The following PALM2AKAP2 variants were observed in gnomAD, a reference collection of about 807,000 sequenced individuals.
The protein encoded by PALM2AKAP2 is PALM2 and AKAP2 fusion, also known as PALM2-AKAP2 fusion protein.
Under a neutral mutation model 71.5 loss-of-function variants are expected in PALM2AKAP2, and 37 were observed. The observed-to-expected ratio is 0.52, with a 90% CI of 0.40 to 0.68. The LOEUF is 0.68. PALM2AKAP2 is among the 30% of genes least tolerant of loss of function. PALM2AKAP2 has a pLI of 0.00. For synonymous variants in PALM2AKAP2, 468 were observed against 478.8 expected, an observed-to-expected ratio of 0.98 and a Z score of 0.29; for missense variants, 1,224 against 1,191.8, an observed-to-expected ratio of 1.03 and a Z score of -0.40.
At chr9:109,733,815 G>A (rs1374891983) in intron 1 of PALM2AKAP2, among the ~76,000 whole-genome samples, 1 of 152,138 alleles carries the variant, frequency 6.6e-6, no homozygotes, top group African/African-American at 2.4e-5. Flanking sequence ...AACAGAGTTG[G>A]GGAAAGACTT....
intron 1 of PALM2AKAP2, 137 bp downstream of exon 1, chr9:109,780,670 C>T (rs1177813457): frequency 3.1e-6 from 4 of 1,294,174 alleles, no homozygotes; most frequent in Non-Finnish European, 4.4e-6. Context: ...TGTCAGGGCT[C>T]AGCTAGGCTG....
intron 1 of PALM2AKAP2, among the ~76,000 whole-genome samples, chr9:110,097,453 C>G (rs2118842899): frequency 6.6e-6 from 1 of 151,978 alleles, no homozygotes; most frequent in East Asian, 1.9e-4. Flanking sequence ...GGCCCGTTCT[C>G]AATGAGCTGT....
chr9:110,011,014 A>AAATATAT lies in PALM2AKAP2; in HGVS notation c.497-4939_497-4938insATATATA, dbSNP rs35212981. On this transcript the variant is annotated intron_variant, in intron 6 of 9. Coordinates refer to the PALM2AKAP2 transcript ENST00000302798. ...TCTGTCTCAAAAAAAAAAAAAAAAA[A>AAATATAT]ATATATATATATATATATATATACT... is the stretch of plus-strand genomic sequence containing the variant. 2.5e-3 allele frequency among the ~76,000 whole-genome samples: 172 copies of AAATATAT among 69,552 alleles called. 1 individual carries two copies. Among genetic ancestry groups the AAATATAT allele is most frequent in the African/African-American group, 9.4e-3 (120 of 12,758 alleles). The allele number at this position is 69,552 out of a possible 152,430, so 45.6% of individuals were successfully genotyped here.
At chr9:109,772,625 C>T (rs2118769693) in intron 1 of PALM2AKAP2, among the ~76,000 whole-genome samples, 1 of 152,300 alleles carries the variant, frequency 6.6e-6, no homozygotes, top group East Asian at 1.9e-4. Flanking sequence ...GGCTGTTGGT[C>T]TTCAAACCCC....
chr9:110,150,141 C>A (rs1482470316), intron 2 of PALM2AKAP2, among the ~76,000 whole-genome samples: 1 of 152,238 alleles, frequency 6.6e-6, no homozygotes, highest in Non-Finnish European at 1.5e-5. Flanking sequence ...CTTCTCTCCC[C>A]ACCATGTGTG....
chr9:110,168,090 G>T (rs1836779583), intron 3 of PALM2AKAP2, among the ~76,000 whole-genome samples: 1 of 152,104 alleles, frequency 6.6e-6, no homozygotes, highest in African/African-American at 2.4e-5. Flanking sequence ...GTAGGGATCT[G>T]CTTTATCTGA....
At position 109,663,058 on chromosome 9, in the gene PALM2AKAP2, C is replaced by T. The variant is rs144432558; in HGVS notation, c.5+22192C>T. Among the ~76,000 whole-genome samples, 718 of 150,172 alleles carry T rather than the reference C, an allele frequency of 4.8e-3. 9 individuals are homozygous for T. Among genetic ancestry groups the T allele is most frequent in the African/African-American group, 0.017 (684 of 41,246 alleles). ...ATTGCATCTATTTGATTCTTCTCTC[C>T]TTGTATTTGATTCTTCTCTCCTTTC... On this transcript the variant is annotated intron_variant, in intron 1 of 6. Transcript: ENST00000374531.
At chr9:109,721,743 G>C (rs1392001608) in intron 1 of PALM2AKAP2, among the ~76,000 whole-genome samples, 1 of 152,206 alleles carries the variant, frequency 6.6e-6, no homozygotes, top group African/African-American at 2.4e-5. Context: ...CTAGTGGAAA[G>C]CCTACATGGC....
chr9:109,671,318 A>G (rs925738254), intron 1 of PALM2AKAP2, among the ~76,000 whole-genome samples: 4 of 152,354 alleles, frequency 2.6e-5, no homozygotes, highest in East Asian at 1.9e-4. Flanking sequence ...AATCTTCTGC[A>G]TATGGCTGGC....
chr9:110,036,314 C>T (rs1044314378), intron 7 of PALM2AKAP2, among the ~76,000 whole-genome samples: 5 of 152,078 alleles, frequency 3.3e-5, no homozygotes, highest in African/African-American at 1.2e-4. Context: ...AATAAGAACA[C>T]TTTATTGTAA....
intron 1 of PALM2AKAP2, among the ~76,000 whole-genome samples, chr9:109,855,177 A>G (rs939099873): frequency 3.9e-5 from 6 of 152,006 alleles, no homozygotes; most frequent in Non-Finnish European, 8.8e-5. Flanking sequence ...GGCTTAAGCA[A>G]TCCTTCCATT....
chr9:109,962,082 A>C (rs910018610), intron 6 of PALM2AKAP2, among the ~76,000 whole-genome samples: 6 of 152,242 alleles, frequency 3.9e-5, no homozygotes, highest in Admixed American at 3.9e-4. Flanking sequence ...TTCATCCAAC[A>C]ACAGCCAAGA....
rs879325312 is a variant in PALM2AKAP2, at chr9:110,053,539, A to G, written c.156+4684A>G. On this transcript the variant is annotated intron_variant, in intron 1 of 3. Transcript: ENST00000374525. ...AAGAACTCTGTCTCAAAAAAAAAAA[A>G]AAAAAAAAAGAAAAAAAGAAAGAAA... Among the ~76,000 whole-genome samples, 1,479 of 151,104 alleles carry G rather than the reference A, an allele frequency of 9.8e-3. 16 individuals carry two copies. The highest frequency in any genetic ancestry group is 0.015 in the Non-Finnish European group (1,028 of 67,712).
intron 1 of PALM2AKAP2, among the ~76,000 whole-genome samples, chr9:110,117,973 T>TTGTGTGTGTGTGTGTGTG (rs1171400897): frequency 7.9e-5 from 11 of 138,498 alleles, no homozygotes; most frequent in Admixed American, 2.9e-4. Flanking sequence ...ATATGTCGTT[T>TTGTGTGTGTGTGTGTGTG]TGTGTGTGTG....
At chr9:109,868,451 A>G (rs962234893) in intron 2 of PALM2AKAP2, among the ~76,000 whole-genome samples, 6 of 152,194 alleles carry the variant, frequency 3.9e-5, no homozygotes, top group Admixed American at 6.5e-5. Flanking sequence ...TTGCTGTGAC[A>G]TTGCCTGCAC....
intron 1 of PALM2AKAP2, among the ~76,000 whole-genome samples, chr9:109,762,175 G>A (rs866665164): frequency 2.6e-5 from 4 of 150,962 alleles, no homozygotes; most frequent in Admixed American, 6.6e-5. Context: ...TTTTTTAATG[G>A]TATTGTTTCA....
At chr9:109,736,949 C>A (rs76060270) in intron 1 of PALM2AKAP2, among the ~76,000 whole-genome samples, 6,491 of 152,296 alleles carry the variant, frequency 0.043, 190 homozygotes, top group Non-Finnish European at 0.053. Flanking sequence ...CTACCACTGT[C>A]GCCGTCTCTT....
rs71373964 is a variant in PALM2AKAP2, at chr9:110,088,703, G to GTTTTTTTT, written c.156+39873_156+39880dup. 2.9e-4 allele frequency among the ~76,000 whole-genome samples: 22 copies of GTTTTTTTT among 75,630 alleles called. 3 individuals carry two copies. The highest frequency in any genetic ancestry group is 5.7e-4 in the Admixed American group (3 of 5,284). 49.6% of individuals were successfully genotyped at this position (75,630 alleles called of 152,430 possible). A position where few individuals can be genotyped will look rare whatever the true frequency, so the allele number is the denominator to read the frequency against. ...TAGCTATTAAAGTTTGCATTTACGT[G>GTTTTTTTT]TTTTTTTTTTTTTTTTTTTTTTTTT... On this transcript the variant is annotated intron_variant, in intron 1 of 3. Transcript: ENST00000374525.
chr9:109,815,062 T>A lies in PALM2AKAP2; in HGVS notation c.45+34529T>A, dbSNP rs996282339. On this transcript the variant is annotated intron_variant, in intron 1 of 9. Transcript: ENST00000302798. ...GGCTATCTTGATACTGATCCAAGAA[T>A]GAAATAGGGATAGACTGACATGAGA... Among the ~76,000 whole-genome samples, 12 of 152,232 alleles carry A rather than the reference T, an allele frequency of 7.9e-5. 1 individual carries two copies. Among genetic ancestry groups the A allele is most frequent in the East Asian group, 7.7e-4 (4 of 5,184 alleles).
Sources: allele counts gnomAD v4.1 joint callset (sites outside exome capture counted in the v4.1 genomes callset), GRCh38; gene constraint gnomAD v4.1.1; transcripts MANE v1.5; gene names NCBI Gene and HGNC (gene_info 2026-07-23, HGNC 2026-07-21).